The following VPS13A variants were observed in gnomAD, a reference collection of about 807,000 sequenced individuals.
The protein encoded by VPS13A is vacuolar protein sorting 13 homolog A.
In VPS13A, 264 loss-of-function variants were observed where a neutral mutation model predicts 390.9. The observed-to-expected ratio is 0.68, with a 90% CI of 0.61 to 0.75. The LOEUF (loss-of-function observed/expected upper bound fraction) is 0.75. VPS13A is among the 30% of genes least tolerant of loss of function. The pLI, the probability that VPS13A is intolerant of heterozygous loss-of-function variation, is 0.00. For missense variants in VPS13A, 3,409 were observed against 3,733.9 expected (o/e 0.91, Z 2.27); for synonymous variants, 1,231 against 1,227.1 (o/e 1.00, Z -0.07).
intron 58 of VPS13A, 35 bp downstream of exon 58, chr9:77,359,437 TA>T (rs1260489297): frequency 1.3e-6 from 2 of 1,522,766 alleles, no homozygotes; most frequent in Non-Finnish European, 1.8e-6. Flanking sequence ...TATATTTATT[TA>T]ATGTTTGATT....
Position 77,205,964 on chromosome 9 carries a change from T to C in VPS13A, c.284-14T>C. On this transcript the variant is annotated splice_polypyrimidine_tract_variant and intron_variant, in intron 4 of 71. Transcript: ENST00000360280. Reference sequence around the variant, plus strand: ...TAAGGTAGTTATGATTCTTCCTTTTTAATCTTCCTATAGGAATAAAATATG... The same window carrying C: ...TAAGGTAGTTATGATTCTTCCTTTTCAATCTTCCTATAGGAATAAAATATG... The C allele has an allele frequency of 6.7e-7, 1 of 1,502,496 alleles. No individual in the cohort carries two copies. The highest frequency in any genetic ancestry group is 9.1e-7 in the Non-Finnish European group (1 of 1,104,532). 93.1% of individuals were successfully genotyped at this position (1,502,496 alleles called of 1,614,324 possible). A position where few individuals can be genotyped will look rare whatever the true frequency, so the allele number is the denominator to read the frequency against.
rs1402494563 is a variant in VPS13A at position 77,416,241 on chromosome 9, G to A, written c.*235G>A. The A allele has an allele frequency of 2.2e-6, 1 of 457,114 alleles. No individual in the cohort carries two copies. The highest frequency in any genetic ancestry group is 4.0e-6 in the Non-Finnish European group (1 of 250,196). 28.3% of individuals were successfully genotyped at this position (457,114 alleles called of 1,614,324 possible). A position where few individuals can be genotyped will look rare whatever the true frequency, so the allele number is the denominator to read the frequency against. ...CAGCAATTACCCGGTTTTCTAAATT[G>A]AATCATGCATCTATTTATAATTCTA... On this transcript the variant is annotated 3_prime_UTR_variant, in exon 72 of 72. Transcript: ENST00000360280.
chr9:77,399,069 A>G (rs2131640327), intron 68 of VPS13A, among the ~76,000 whole-genome samples: 1 of 144,014 alleles, frequency 6.9e-6, no homozygotes, highest in East Asian at 2.2e-4. Context: ...CTAATGCTAG[A>G]TGACACATTA....
At chr9:77,402,598 CT>C (rs60312625) in intron 68 of VPS13A, among the ~76,000 whole-genome samples, 44,850 of 151,890 alleles carry the variant, frequency 0.3, 6,938 homozygotes, top group Middle Eastern at 0.35. Context: ...AATGGTAAAT[CT>C]TATTTTGTTC....
intron 70 of VPS13A, 138 bp downstream of exon 70, chr9:77,406,125 T>A: frequency 9.2e-7 from 1 of 1,087,690 alleles, no homozygotes; most frequent in Non-Finnish European, 1.3e-6. Flanking sequence ...ATACCTGCTA[T>A]CTTACCCAGG....
At chr9:77,361,674 G>C (rs1044981198) in intron 59 of VPS13A, among the ~76,000 whole-genome samples, 53 of 151,990 alleles carry the variant, frequency 3.5e-4, no homozygotes, top group African/African-American at 1.3e-3. Context: ...ATTAGAAGTG[G>C]AATTGCTCAA....
intron 68 of VPS13A, among the ~76,000 whole-genome samples, chr9:77,397,556 G>T (rs1302410790): frequency 6.6e-6 from 1 of 151,946 alleles, no homozygotes; most frequent in East Asian, 1.9e-4. Context: ...TTTTTCAGAA[G>T]TATTTTTGTT....
chr9:77,273,178 G>A, intron 23 of VPS13A, 102 bp from the exon 24 acceptor site: 1 of 887,144 alleles, frequency 1.1e-6, no homozygotes, highest in Non-Finnish European at 1.8e-6. Context: ...AAATTGGATA[G>A]CTTTTTGTCA....
chr9:77,395,846 A>G (rs1363223288), intron 68 of VPS13A: 1 of 152,192 alleles, frequency 6.6e-6, no homozygotes, highest in Non-Finnish European at 1.5e-5. Flanking sequence ...GAATTTAAAA[A>G]AGAATCTTTT....
At chr9:77,360,713 T>C (rs1832095749) in intron 59 of VPS13A, 72 bp downstream of exon 59, 3 of 1,159,742 alleles carry the variant, frequency 2.6e-6, no homozygotes, top group Admixed American at 3.7e-5. Flanking sequence ...TTTAAAGGTA[T>C]TAAAATGACT....
chr9:77,304,143 C>T (rs1008357080), intron 34 of VPS13A, among the ~76,000 whole-genome samples: 3 of 152,084 alleles, frequency 2.0e-5, no homozygotes, highest in African/African-American at 7.2e-5. Context: ...GCATTGTGCC[C>T]CAGGTTTATT....
At chr9:77,369,631 G>GT (rs1832635830) in intron 63 of VPS13A, among the ~76,000 whole-genome samples, 1 of 152,114 alleles carries the variant, frequency 6.6e-6, no homozygotes, top group African/African-American at 2.4e-5. Context: ...ACGCTGAATT[G>GT]TAAGTGTTCT....
chr9:77,367,460 A>G (rs1832496626), intron 61 of VPS13A, among the ~76,000 whole-genome samples: 1 of 152,196 alleles, frequency 6.6e-6, no homozygotes, highest in Non-Finnish European at 1.5e-5. Flanking sequence ...AACACGAGGT[A>G]ACACTGAACC....
At chr9:77,179,750 A>G (rs1432152242) in intron 1 of VPS13A, among the ~76,000 whole-genome samples, 2 of 147,740 alleles carry the variant, frequency 1.4e-5, no homozygotes, top group Non-Finnish European at 3.0e-5. Flanking sequence ...AAAATGTACA[A>G]TTCAGTGTTT....
chr9:77,187,004 C>A (rs939237146), intron 1 of VPS13A, among the ~76,000 whole-genome samples: 2 of 152,178 alleles, frequency 1.3e-5, no homozygotes, highest in African/African-American at 4.8e-5. Context: ...TTATTGGTTT[C>A]TTTTACTTGG....
chr9:77,254,599 A>C (rs61538256), intron 22 of VPS13A, among the ~76,000 whole-genome samples: 2,737 of 152,274 alleles, frequency 0.018, 54 homozygotes, highest in African/African-American at 0.049. Flanking sequence ...GAGTGTATCA[A>C]ATCTGTAGAT....
intron 68 of VPS13A, chr9:77,384,732 G>A (rs762433746): frequency 1.3e-6 from 2 of 1,557,250 alleles, no homozygotes; most frequent in Non-Finnish European, 1.7e-6. Context: ...AACATGTTTT[G>A]TATGACTTAT....
intron 52 of VPS13A, chr9:77,351,096 T>C (rs567285581): frequency 4.5e-5 from 21 of 461,672 alleles, no homozygotes; most frequent in South Asian, 4.4e-4. Flanking sequence ...AAGACCTTTA[T>C]TTCCTAAGTA....
At chr9:77,287,922 CTT>C (rs1233759125) in intron 31 of VPS13A, among the ~76,000 whole-genome samples, 1 of 152,148 alleles carries the variant, frequency 6.6e-6, no homozygotes, top group African/African-American at 2.4e-5. Context: ...AAACTTACCT[CTT>C]TTAGTTATAA....
Sources: allele counts gnomAD v4.1 joint callset (sites outside exome capture counted in the v4.1 genomes callset), GRCh38; gene constraint gnomAD v4.1.1; transcripts MANE v1.5; gene names NCBI Gene and HGNC (gene_info 2026-07-23, HGNC 2026-07-21).